Variants in POLD3 observed in about 807,000 individuals in gnomAD.
POLD3 encodes the protein DNA polymerase delta subunit 3.
POLD3 carries 19 observed loss-of-function variants against 58.2 expected under a neutral mutation model. The ratio of observed to expected loss-of-function variants is 0.33; its 90% CI spans 0.23 to 0.48. The LOEUF is 0.48. Ranked by LOEUF, POLD3 falls within the 20% of genes least tolerant of loss-of-function variation. POLD3 has a pLI of 0.99. For missense variants in POLD3, 504 were observed against 545.5 expected, an observed-to-expected ratio of 0.92 and a Z score of 0.76; for synonymous variants, 172 against 193.5, an observed-to-expected ratio of 0.89 and a Z score of 0.92.
intron 9 of POLD3, among the ~76,000 whole-genome samples, chr11:74,630,204 CAAACTTGTAAGATTCTG>C (rs1471999241): frequency 6.6e-6 from 1 of 151,944 alleles, no homozygotes; most frequent in Admixed American, 6.6e-5. Context: ...TATCAAAGGA[CAAACTTGTAAGATTCTG>C]AAACTTGTAA....
chr11:74,618,636 T>C lies in POLD3; in HGVS notation c.492T>C (p.Ser164=), dbSNP rs2032154985. The C allele has an allele frequency of 6.2e-7, 1 of 1,614,010 alleles. No individual in the cohort carries two copies. Among genetic ancestry groups the C allele is most frequent in the African/African-American group, 1.3e-5 (1 of 74,910 alleles). ...KFEQSHLHMS[S]ETQANNELTT... is the part of the protein sequence containing the mutation. ...AGCAGTCACATCTTCACATGTCAAG[T>C]GAGACACAAGCCAACAATGAGCTGA... Residue 164 remains serine, a synonymous_variant, in exon 6 of 12, where the codon AGT becomes AGC. Transcript: ENST00000263681.
chr11:74,646,931 C>T (rs146447342), downstream of POLD3, among the ~76,000 whole-genome samples: 1,738 of 152,270 alleles, frequency 0.011, 44 homozygotes, highest in African/African-American at 0.039. Context: ...CACCAGGGAC[C>T]GGTTTCATGG....
chr11:74,611,412 A>T, intron 3 of POLD3, 87 bp from the exon 4 acceptor site: 1 of 779,738 alleles, frequency 1.3e-6, no homozygotes, highest in Non-Finnish European at 2.2e-6. Flanking sequence ...CTAATTTCAC[A>T]TCCAAGCACA....
chr11:74,635,956 G>A (rs1250624753), intron 10 of POLD3, among the ~76,000 whole-genome samples: 1 of 152,186 alleles, frequency 6.6e-6, no homozygotes, highest in Non-Finnish European at 1.5e-5. Flanking sequence ...ACAGAACACA[G>A]TTCTTTCTTC....
chr11:74,645,053 C>A (rs1039281002), downstream of POLD3, among the ~76,000 whole-genome samples: 1 of 152,108 alleles, frequency 6.6e-6, no homozygotes, highest in Non-Finnish European at 1.5e-5. Context: ...TTTGGAGTGA[C>A]AAGACAAACA....
exon 5 of POLD3, chr11:74,668,844 G>A (rs1266076950): frequency 1.6e-6 from 2 of 1,239,538 alleles, no homozygotes; most frequent in Non-Finnish European, 2.1e-6. Flanking sequence ...CCATCCAGCG[G>A]TTGGAGAGGT....
At chr11:74,655,016 G>A (rs563654342) in intron 4 of POLD3, among the ~76,000 whole-genome samples, 1 of 152,302 alleles carries the variant, frequency 6.6e-6, no homozygotes, top group African/African-American at 2.4e-5. Flanking sequence ...ACATACACCT[G>A]GTAGAACTTG....
intron 3 of POLD3, among the ~76,000 whole-genome samples, chr11:74,609,372 ATTTTTTTTTTTTTT>A (rs869157886): frequency 5.5e-4 from 15 of 27,186 alleles, no homozygotes; most frequent in South Asian, 1.3e-3. Context: ...ATATATATAT[ATTTTTTTTTTTTTT>A]TTTTTTTTTT....
At chr11:74,630,512 A>G (rs542815858) in intron 9 of POLD3, among the ~76,000 whole-genome samples, 21 of 152,302 alleles carry the variant, frequency 1.4e-4, no homozygotes, top group African/African-American at 2.6e-4. Context: ...GAGAGGTACA[A>G]TGTCCTTCCG....
At chr11:74,656,916 T>A (rs2033143565) in intron 4 of POLD3, among the ~76,000 whole-genome samples, 1 of 41,544 alleles carries the variant, frequency 2.4e-5, no homozygotes, top group Non-Finnish European at 5.2e-5. Flanking sequence ...TTAAGTCTGA[T>A]GTTTCTTTGT....
chr11:74,656,810 A>T (rs1353837068), intron 4 of POLD3, among the ~76,000 whole-genome samples: 9 of 151,772 alleles, frequency 5.9e-5, no homozygotes, highest in African/African-American at 9.7e-5. Flanking sequence ...ATCCTTGAAA[A>T]TGATCCATGT....
In POLD3 at chr11:74,604,707, T is replaced by C. The variant is rs368791714; in HGVS notation, c.132T>C (p.Tyr44=). The C allele has an allele frequency of 2.4e-5, 39 of 1,597,270 alleles. No individual in the cohort carries two copies. The African/African-American group carries it at 4.8e-4, about 20-fold the overall frequency. The part of the protein sequence containing the change: ...VNQAKQMLYD[Y]VERKRKENSG... ...TTTGGAATAGGATGCTGTATGATTA[T>C]GTTGAAAGGAAACGAAAAGAAAATT... is the stretch of plus-strand genomic sequence containing the variant. Residue 44 remains tyrosine, a synonymous_variant, in exon 3 of 12, where the codon TAT becomes TAC. Coordinates refer to ENST00000263681, the MANE Select transcript of POLD3 (RefSeq NM_006591.3).
chr11:74,631,133 C>A (rs1264895867), intron 9 of POLD3, among the ~76,000 whole-genome samples: 1 of 152,170 alleles, frequency 6.6e-6, no homozygotes, highest in Admixed American at 6.5e-5. Flanking sequence ...TTATTTTCAA[C>A]CTTTACACAG....
intron 3 of POLD3, among the ~76,000 whole-genome samples, chr11:74,608,119 A>G (rs2031760363): frequency 6.6e-6 from 1 of 152,082 alleles, no homozygotes; most frequent in African/African-American, 2.4e-5. Flanking sequence ...CTTTTCATCT[A>G]ATGATTTTAG....
intron 4 of POLD3, among the ~76,000 whole-genome samples, chr11:74,660,825 A>C (rs961193234): frequency 6.6e-6 from 1 of 152,122 alleles, no homozygotes; most frequent in African/African-American, 2.4e-5. Flanking sequence ...GAACTGAGTC[A>C]ATGAAACCTT....
At chr11:74,601,600 G>C (rs2031499023) in intron 2 of POLD3, among the ~76,000 whole-genome samples, 1 of 152,064 alleles carries the variant, frequency 6.6e-6, no homozygotes, top group Non-Finnish European at 1.5e-5. Flanking sequence ...CAGGCTGGGA[G>C]ATATAACAAA....
chr11:74,594,908 A>T (rs988941125), intron 2 of POLD3, among the ~76,000 whole-genome samples: 2 of 152,174 alleles, frequency 1.3e-5, no homozygotes, highest in African/African-American at 2.4e-5. Context: ...TAATTCAGTT[A>T]TCTCCACCTG....
chr11:74,592,691 C>T lies in POLD3; in HGVS notation c.33C>T (p.Asp11=). Reference sequence around the variant, plus strand: ...ACCAGCTTTATCTGGAAAATATAGACGAGTTCGTCACGGACCAAAACAAGA... The same window carrying T: ...ACCAGCTTTATCTGGAAAATATAGATGAGTTCGTCACGGACCAAAACAAGA... The part of the protein sequence containing the change: MADQLYLENI[D]EFVTDQNKIV... The change falls in exon 1 of 12, where the codon GAC becomes GAT. Residue 11 remains aspartate (D), a synonymous_variant. Transcript: ENST00000263681. 2 of 1,614,004 alleles carry T rather than the reference C, an allele frequency of 1.2e-6. No homozygotes were observed. Among genetic ancestry groups the T allele is most frequent in the Non-Finnish European group, 1.7e-6 (2 of 1,179,942 alleles).
At chr11:74,609,236 C>T (rs995620766) in intron 3 of POLD3, among the ~76,000 whole-genome samples, 11 of 150,672 alleles carry the variant, frequency 7.3e-5, no homozygotes, top group Non-Finnish European at 1.3e-4. Context: ...AATTCAATAT[C>T]TAGTTCAATT....
Sources: allele counts gnomAD v4.1 joint callset (sites outside exome capture counted in the v4.1 genomes callset), GRCh38; gene constraint gnomAD v4.1.1; transcripts MANE v1.5; gene names NCBI Gene and HGNC (gene_info 2026-07-23, HGNC 2026-07-21).